Variants in KCNAB1 observed in about 807,000 individuals in gnomAD.
KCNAB1 encodes potassium voltage-gated channel subfamily A regulatory beta subunit 1.
KCNAB1 carries 35 observed loss-of-function variants against 64.6 expected under a neutral mutation model. The observed-to-expected ratio is 0.54, with a 90% CI of 0.41 to 0.72. The LOEUF is 0.72. Ranked by LOEUF, KCNAB1 falls within the 30% of genes least tolerant of loss-of-function variation. KCNAB1 has a pLI of 0.00. For synonymous variants in KCNAB1, 177 were observed against 183.8 expected (o/e 0.96, Z 0.30); for missense variants, 401 against 512.9 (o/e 0.78, Z 2.11).
At chr3:156,478,704 CG>C (rs945280239) in intron 8 of KCNAB1, among the ~76,000 whole-genome samples, 1 of 152,114 alleles carries the variant, frequency 6.6e-6, no homozygotes, top group African/African-American at 2.4e-5. Context: ...TGATGTTAAT[CG>C]GGAACATTTT....
At chr3:156,134,794 A>G (rs1454663314) in intron 1 of KCNAB1, among the ~76,000 whole-genome samples, 1 of 152,230 alleles carries the variant, frequency 6.6e-6, no homozygotes, top group African/African-American at 2.4e-5. Flanking sequence ...TCTAGCACAA[A>G]TAGAGTAAAC....
intron 1 of KCNAB1, among the ~76,000 whole-genome samples, chr3:156,213,070 G>A (rs980049860): frequency 1.3e-5 from 2 of 152,120 alleles, no homozygotes; most frequent in African/African-American, 2.4e-5. Flanking sequence ...GGAACAGCTC[G>A]CTTAGTAACT....
intron 1 of KCNAB1, among the ~76,000 whole-genome samples, chr3:156,392,616 G>C (rs1053720363): frequency 2.0e-5 from 3 of 152,158 alleles, no homozygotes; most frequent in Non-Finnish European, 1.5e-5. Flanking sequence ...AATATGTGGT[G>C]TACAATTTTT....
chr3:156,256,376 C>T (rs147979189), intron 1 of KCNAB1, among the ~76,000 whole-genome samples: 58 of 152,312 alleles, frequency 3.8e-4, no homozygotes, highest in African/African-American at 1.2e-3. Flanking sequence ...TCTTAGGAAA[C>T]GCCTGAAGGA....
chr3:156,177,883 G>A (rs575837156), intron 1 of KCNAB1, among the ~76,000 whole-genome samples: 2 of 151,382 alleles, frequency 1.3e-5, no homozygotes, highest in Non-Finnish European at 2.9e-5. Context: ...GATTATAGGC[G>A]CCCGCCATCA....
Position 156,426,972 on chromosome 3 carries a change from A to T in KCNAB1, c.319+5313A>T, listed in dbSNP as rs548999558. ...AGAAGCAACATGAAGGCTATAATAG[A>T]GGGAACAGGGTTGAGGCTGGAGGCA... On this transcript the variant is annotated intron_variant, in intron 2 of 13. Transcript: ENST00000490337. 3.7e-4 allele frequency among the ~76,000 whole-genome samples: 56 copies of T among 152,354 alleles called. 2 individuals carry two copies. In the South Asian group the frequency reaches 0.011, roughly 30 times the overall value.
intron 1 of KCNAB1, among the ~76,000 whole-genome samples, chr3:156,368,296 AGT>A (rs1726077220): frequency 6.6e-6 from 1 of 152,224 alleles, no homozygotes; most frequent in Non-Finnish European, 1.5e-5. Flanking sequence ...AGTAGGGAGC[AGT>A]TCTCTGTGCC....
chr3:156,400,725 A>C (rs947526013), intron 1 of KCNAB1, among the ~76,000 whole-genome samples: 4 of 152,150 alleles, frequency 2.6e-5, no homozygotes, highest in Admixed American at 2.6e-4. Flanking sequence ...TGTCTATTCA[A>C]ATTTACTTCT....
chr3:156,433,998 G>T (rs1441359767), intron 2 of KCNAB1, among the ~76,000 whole-genome samples: 1 of 152,166 alleles, frequency 6.6e-6, no homozygotes, highest in Non-Finnish European at 1.5e-5. Flanking sequence ...AACATTGGGG[G>T]TTTAATAAAT....
At position 156,514,514 on chromosome 3, in the gene KCNAB1, A is replaced by T. The variant is rs72554024; in HGVS notation, c.744+65A>T. On this transcript the variant is annotated intron_variant, in intron 9 of 13. Transcript: ENST00000490337. ...TATTATTGCTTTTCAGATGCCATGC[A>T]TAAATTGCAAGATCTTTTGCAAACT... 6,846 of 1,226,572 alleles carry T rather than the reference A, an allele frequency of 5.6e-3. 24 individuals are homozygous for T. The highest frequency in any genetic ancestry group is 6.9e-3 in the Non-Finnish European group (5,741 of 831,706). 76.0% of individuals were successfully genotyped at this position (1,226,572 alleles called of 1,614,324 possible).
intron 1 of KCNAB1, among the ~76,000 whole-genome samples, chr3:156,188,104 T>C (rs1713317208): frequency 6.6e-6 from 1 of 152,168 alleles, no homozygotes; most frequent in Non-Finnish European, 1.5e-5. Flanking sequence ...CACGTTCCCT[T>C]GGTGAATTTC....
chr3:156,244,781 C>T (rs1339318906), intron 1 of KCNAB1, among the ~76,000 whole-genome samples: 1 of 152,182 alleles, frequency 6.6e-6, no homozygotes, highest in Non-Finnish European at 1.5e-5. Flanking sequence ...GACTTGGCTG[C>T]CAAGGGTCTG....
intron 1 of KCNAB1, among the ~76,000 whole-genome samples, chr3:156,303,757 A>G (rs925246955): frequency 6.6e-6 from 1 of 152,156 alleles, no homozygotes; most frequent in Non-Finnish European, 1.5e-5. Context: ...CACTGAGGAT[A>G]GTAAGGGGAA....
At chr3:156,354,122 A>ATATATATATATATATATATATGTG (rs1193279843) in intron 1 of KCNAB1, among the ~76,000 whole-genome samples, 790 of 69,528 alleles carry the variant, frequency 0.011, 9 homozygotes, top group Non-Finnish European at 0.019. Flanking sequence ...GTGTGTGTGT[A>ATATATATATATATATATATATGTG]TATATATATA....
intron 1 of KCNAB1, among the ~76,000 whole-genome samples, chr3:156,394,593 G>GA (rs57867607): frequency 8.0e-5 from 12 of 149,192 alleles, no homozygotes; most frequent in Admixed American, 3.4e-4. Flanking sequence ...GGGGATAAAA[G>GA]AAAAAAAAAA....
At chr3:156,384,129 A>G (rs561201897) in intron 1 of KCNAB1, among the ~76,000 whole-genome samples, 43 of 152,346 alleles carry the variant, frequency 2.8e-4, no homozygotes, top group African/African-American at 9.9e-4. Context: ...GGCACTTTTT[A>G]TTCTGCAATT....
At chr3:156,480,540 TAA>T (rs112797257) in intron 8 of KCNAB1, among the ~76,000 whole-genome samples, 13 of 143,658 alleles carry the variant, frequency 9.0e-5, no homozygotes, top group Admixed American at 2.1e-4. Context: ...GAACTTAAAG[TAA>T]AAAAAAAAAA....
intron 2 of KCNAB1, among the ~76,000 whole-genome samples, chr3:156,448,532 A>G (rs1711754729): frequency 6.6e-6 from 1 of 152,166 alleles, no homozygotes; most frequent in African/African-American, 2.4e-5. Context: ...AGGAGTAGAA[A>G]GTGGACCCCA....
intron 8 of KCNAB1, among the ~76,000 whole-genome samples, chr3:156,484,471 T>C (rs1433089460): frequency 6.6e-6 from 1 of 152,132 alleles, no homozygotes; most frequent in Non-Finnish European, 1.5e-5. Context: ...TTATGACTCA[T>C]GTGCACTTCC....
Sources: allele counts gnomAD v4.1 joint callset (sites outside exome capture counted in the v4.1 genomes callset), GRCh38; gene constraint gnomAD v4.1.1; transcripts MANE v1.5; gene names NCBI Gene and HGNC (gene_info 2026-07-23, HGNC 2026-07-21).